Variants in SPTAN1 observed in about 807,000 individuals in gnomAD.
The protein encoded by SPTAN1 is spectrin alpha chain, non-erythrocytic 1.
SPTAN1 carries 61 observed loss-of-function variants against 331.3 expected under a neutral mutation model. The ratio of observed to expected loss-of-function variants is 0.18; its 90% CI spans 0.15 to 0.23. The LOEUF is 0.23. Ranked by LOEUF, SPTAN1 falls within the 10% of genes least tolerant of loss-of-function variation. The probability of loss-of-function intolerance (pLI) is 1.00; values close to 1 mark genes in which losing one functional copy is unlikely to be tolerated. For synonymous variants in SPTAN1, 1,153 were observed against 1,173.9 expected (o/e 0.98, Z 0.36); for missense variants, 2,043 against 3,147.9 (o/e 0.65, Z 8.40).
chr9:128,605,292 A>G lies in SPTAN1; in HGVS notation c.3865-4A>G, dbSNP rs769349794. 2 of 1,614,146 alleles carry G rather than the reference A, an allele frequency of 1.2e-6. No individual in the cohort carries two copies. The highest frequency in any genetic ancestry group is 1.1e-5 in the South Asian group (1 of 91,080). ...CAAGCTCATTCACCACTTTCTTCCC[A>G]TAGGTAAACTCCCTTGGTGAAACAG... On this transcript the variant is annotated splice_region_variant and splice_polypyrimidine_tract_variant and intron_variant, in intron 30 of 56. Coordinates refer to ENST00000372739, the MANE Select transcript of SPTAN1 (RefSeq NM_001130438.3).
chr9:128,632,515 T>TG lies in SPTAN1; in HGVS notation c.7013+37dup, dbSNP rs763910617. 4.0e-5 allele frequency: 64 copies of TG among 1,613,984 alleles called. No individual in the cohort carries two copies. In the East Asian group the frequency reaches 4.5e-4, roughly 11 times the overall value. On this transcript the variant is annotated intron_variant, in intron 54 of 56. Coordinates refer to ENST00000372739, the MANE Select transcript of SPTAN1 (RefSeq NM_001130438.3). ...TTCAGCCTTACTCGCCCTGGCTGGG[T>TG]GGGGGGTGTTCGGCAGCAGGGCTGC...
intron 1 of SPTAN1, among the ~76,000 whole-genome samples, chr9:128,559,414 T>A (rs1427054972): frequency 6.6e-6 from 1 of 152,140 alleles, no homozygotes; most frequent in Admixed American, 6.5e-5. Context: ...CCAAATGTGA[T>A]TTAATTTCTG....
At chr9:128,632,397 A>G (rs1378296431) in intron 53 of SPTAN1, 34 bp from the exon 54 acceptor site, 2 of 1,613,868 alleles carry the variant, frequency 1.2e-6, no homozygotes, top group Non-Finnish European at 1.7e-6. Context: ...TGCTGTGTGG[A>G]GGGTCTGTTC....
At chr9:128,602,222 T>G (rs10988056) in intron 27 of SPTAN1, among the ~76,000 whole-genome samples, 2 of 136,198 alleles carry the variant, frequency 1.5e-5, no homozygotes, top group Non-Finnish European at 3.1e-5. Context: ...GTTTTTTTTG[T>G]TTTTTTTTTT....
At chr9:128,553,159 C>T (rs1208530338) in intron 1 of SPTAN1, 1 of 152,280 alleles carries the variant, frequency 6.6e-6, no homozygotes, top group Non-Finnish European at 1.5e-5. Context: ...ATCGCACCAG[C>T]AATGCCGGCC....
chr9:128,584,369 G>C lies in SPTAN1; in HGVS notation c.2281G>C (p.Ala761Pro), dbSNP rs1644306711. 1 of 1,614,192 alleles carries C rather than the reference G, an allele frequency of 6.2e-7. No individual in the cohort carries two copies. Among genetic ancestry groups the C allele is most frequent in the Non-Finnish European group, 8.5e-7 (1 of 1,180,046 alleles). ...DAENIKKKQEALVARYEALKE... is the reference protein window; with the variant it reads ...DAENIKKKQEPLVARYEALKE... ...AGAAAACATCAAGAAGAAACAGGAA[G>C]CCCTCGTGGCTCGCTATGAGGCACT... The change falls in exon 17 of 57, where the codon GCC (alanine) becomes CCC (proline). Residue 761 changes from alanine to proline, a missense_variant. Ala to Pro is a conservative substitution (Grantham distance 27). This residue lies in a region of SPTAN1 where 1,038 missense variants were observed against 1,531.5 expected (regional missense o/e 0.68). Coordinates refer to ENST00000372739, the MANE Select transcript of SPTAN1 (RefSeq NM_001130438.3).
chr9:128,631,775 G>A (rs1348946604), intron 52 of SPTAN1: 2 of 288,998 alleles, frequency 6.9e-6, no homozygotes, highest in African/African-American at 2.2e-5. Context: ...GAGCGTGATT[G>A]CGCCACTGCA....
At chr9:128,557,398 C>A (rs763653587) in intron 1 of SPTAN1, among the ~76,000 whole-genome samples, 2 of 152,094 alleles carry the variant, frequency 1.3e-5, no homozygotes, top group Non-Finnish European at 2.9e-5. Context: ...CTGCAGGTGC[C>A]AGGTTTACAG....
chr9:128,615,572 TG>T (rs1337119924), intron 40 of SPTAN1, 59 bp from the exon 41 acceptor site: 3 of 1,579,852 alleles, frequency 1.9e-6, no homozygotes, highest in Non-Finnish European at 2.6e-6. Flanking sequence ...TGAGTTCTTA[TG>T]TTCAAGCAGA....
chr9:128,586,322 A>AG (rs1852634719), intron 19 of SPTAN1, among the ~76,000 whole-genome samples: 1 of 151,738 alleles, frequency 6.6e-6, no homozygotes, highest in Non-Finnish European at 1.5e-5. Flanking sequence ...TAGTAGAGAC[A>AG]GGGTCTCGCT....
chr9:128,581,978 A>G, intron 12 of SPTAN1, 86 bp downstream of exon 12: 2 of 1,036,596 alleles, frequency 1.9e-6, no homozygotes, highest in Non-Finnish European at 1.5e-6. Flanking sequence ...AACAGATTTG[A>G]TGAAAGATTC....
In SPTAN1 at chr9:128,577,065, T is replaced by A. The variant is rs1017292440; in HGVS notation, c.786-64T>A. 9.9e-6 allele frequency: 16 copies of A among 1,613,786 alleles called. No individual in the cohort carries two copies. In the African/African-American group the frequency reaches 1.5e-4, roughly 15 times the overall value. On this transcript the variant is annotated intron_variant, in intron 6 of 56. Coordinates refer to ENST00000372739, the MANE Select transcript of SPTAN1 (RefSeq NM_001130438.3). This position sits in a 1 kb window ranked among gnomAD's most constrained non-coding sequence, Gnocchi z 4.2. ...CGAGGCTGACTAGGCCTTGGTCCCA[T>A]GGGGTGTTCCTAGTTCTAGGGAGTC...
At position 128,605,085 on chromosome 9, in the gene SPTAN1, CACAG is replaced by C. The variant is rs1381624119; in HGVS notation, c.3775_3778del (p.Asp1259IlefsTer30). On this transcript the variant is annotated frameshift_variant, in exon 30 of 57. Coordinates refer to ENST00000372739, the MANE Select transcript of SPTAN1 (RefSeq NM_001130438.3). LOFTEE classifies it high-confidence loss of function. The stretch of plus-strand genomic sequence containing the variant: ...TTGAAGAGAAGAATCAAGCTCTAAA[CACAG>C]ACAATTATGGACATGATCTCGCCAG... 1 of 1,613,958 alleles carries C rather than the reference CACAG, an allele frequency of 6.2e-7. No individual in the cohort carries two copies. The highest frequency in any genetic ancestry group is 8.5e-7 in the Non-Finnish European group (1 of 1,180,016).
intron 2 of SPTAN1, 35 bp downstream of exon 2, chr9:128,567,012 C>T (rs375602967): frequency 7.9e-5 from 128 of 1,612,814 alleles, no homozygotes; most frequent in Non-Finnish European, 9.9e-5. Context: ...TGCCAAAATT[C>T]AAGAGCCCAA....
chr9:128,583,899 A>G lies in SPTAN1; in HGVS notation c.2123A>G (p.Lys708Arg). The G allele has an allele frequency of 1.2e-6, 2 of 1,614,224 alleles. No homozygotes were observed. The highest frequency in any genetic ancestry group is 1.1e-5 in the South Asian group (1 of 91,086). ...CACTTGGCTTCGGATGATTACGGCAAAGATCTTACCAATGTGCAGAACCTC... is the reference window on the plus strand; with the variant it reads ...CACTTGGCTTCGGATGATTACGGCAGAGATCTTACCAATGTGCAGAACCTC... The part of the protein sequence containing the change: ...EGHLASDDYG[K>R]DLTNVQNLQK... Residue 708 changes from lysine (K) to arginine (R), a missense_variant, in exon 16 of 57, where the codon AAA (lysine) becomes AGA (arginine). By Grantham distance (26) the Lys-to-Arg change is conservative (BLOSUM62 2). This residue lies in a region of SPTAN1 where 1,038 missense variants were observed against 1,531.5 expected (regional missense o/e 0.68). Coordinates refer to ENST00000372739, the MANE Select transcript of SPTAN1 (RefSeq NM_001130438.3).
Position 128,561,008 on chromosome 9 carries a change from C to G in SPTAN1, c.-3-5730C>G, listed in dbSNP as rs548715919. ...TCCAGCCTGGGCAACAGAGCAAGAC[C>G]CCATCTCAAAAAAAAAAAAAAAAAA... On this transcript the variant is annotated intron_variant, in intron 1 of 56. Transcript: ENST00000372739. Among the ~76,000 whole-genome samples, 44 of 97,982 alleles carry G rather than the reference C, an allele frequency of 4.5e-4. No homozygotes were observed. The South Asian group carries it at 0.018, about 40-fold the overall frequency. 64.3% of individuals were successfully genotyped at this position (97,982 alleles called of 152,430 possible). A position where few individuals can be genotyped will look rare whatever the true frequency, so the allele number is the denominator to read the frequency against.
intron 40 of SPTAN1, among the ~76,000 whole-genome samples, chr9:128,614,167 A>T (rs1385106223): frequency 6.6e-6 from 1 of 150,988 alleles, no homozygotes; most frequent in Non-Finnish European, 1.5e-5. Context: ...CTTAAAGCTT[A>T]GCTGTGGTCA....
chr9:128,625,018 A>T lies in SPTAN1; in HGVS notation c.5993-85A>T. The T allele has an allele frequency of 1.5e-6, 2 of 1,306,846 alleles. No individual in the cohort carries two copies. Among genetic ancestry groups the T allele is most frequent in the South Asian group, 2.4e-5 (2 of 84,538 alleles). The allele number at this position is 1,306,846 out of a possible 1,614,324, so 81.0% of individuals were successfully genotyped here. ...ATTGGGATTTATCTGTACACAAAAA[A>T]TGGTTTGTCTGGGTTTTGATGTTTT... On this transcript the variant is annotated intron_variant, in intron 46 of 56. Transcript: ENST00000372739. The surrounding 1 kb of genome is among the most constrained non-coding windows in gnomAD (Gnocchi z 4.1).
chr9:128,581,783 C>T lies in SPTAN1; in HGVS notation c.1463C>T (p.Ala488Val), dbSNP rs1851980146. The part of the protein sequence containing the change: ...QVDNWMSKQE[A>V]FLLNEDLGDS... ...GAACACTTTGTTTCCTTTGGCAAGG[C>T]GTTCCTGTTGAATGAAGACTTGGGA... The change falls in exon 12 of 57, where the codon GCG becomes GTG. Residue 488 changes from alanine (A) to valine (V), a missense_variant and splice_region_variant. This residue lies in a region of SPTAN1 where 1,038 missense variants were observed against 1,531.5 expected (regional missense o/e 0.68). Transcript: ENST00000372739. The T allele has an allele frequency of 1.2e-6, 2 of 1,611,370 alleles. No individual in the cohort carries two copies. Among genetic ancestry groups the T allele is most frequent in the Non-Finnish European group, 8.5e-7 (1 of 1,177,466 alleles).
Sources: allele counts gnomAD v4.1 joint callset (sites outside exome capture counted in the v4.1 genomes callset), GRCh38; gene constraint gnomAD v4.1.1; regional missense constraint gnomAD v4.1.1; non-coding constraint Gnocchi (gnomAD v3.1); transcripts MANE v1.5; gene names NCBI Gene and HGNC (gene_info 2026-07-23, HGNC 2026-07-21).